SLC7A14: variants seen among roughly 807,000 people sequenced by gnomAD.
SLC7A14 encodes gamma-aminobutyric acid transporter SLC7A14.
In SLC7A14, 37 loss-of-function variants were observed where a neutral mutation model predicts 60.2. That is an observed-to-expected ratio of 0.61 (90% CI 0.47 to 0.81). The LOEUF (loss-of-function observed/expected upper bound fraction) is 0.81, where lower values mean the gene tolerates loss of function less well. Among genes scored for constraint, SLC7A14 ranks in the 30% least tolerant of loss-of-function variants. The pLI, the probability that SLC7A14 is intolerant of heterozygous loss-of-function variation, is 0.00. For synonymous variants in SLC7A14, 399 were observed against 395.8 expected, an observed-to-expected ratio of 1.01 and a Z score of -0.10; for missense variants, 886 against 982.7, an observed-to-expected ratio of 0.90 and a Z score of 1.32.
At chr3:170,481,580 T>C (rs966249619) in intron 6 of SLC7A14, among the ~76,000 whole-genome samples, 1 of 152,052 alleles carries the variant, frequency 6.6e-6, no homozygotes, top group Non-Finnish European at 1.5e-5. Context: ...TTTTGTATTT[T>C]TAGTAGAGAC....
intron 4 of SLC7A14, among the ~76,000 whole-genome samples, chr3:170,487,354 C>T (rs930640577): frequency 2.6e-5 from 4 of 151,462 alleles, no homozygotes; most frequent in African/African-American, 9.7e-5. Flanking sequence ...AAAAAAGTGC[C>T]TCTTTGAATG....
intron 1 of SLC7A14, among the ~76,000 whole-genome samples, chr3:170,545,037 A>G (rs1560275960): frequency 6.6e-6 from 1 of 152,372 alleles, no homozygotes; most frequent in East Asian, 1.9e-4. Context: ...TGAATTTTAC[A>G]TTTAAATTTA....
rs1739670236 is a variant in SLC7A14, at chr3:170,464,328, C to T, written c.*2727G>A. ...ATAAAATGTAGGTCTTCCTTGGACTCCCTTCAAGGGGCAAAGTTTCTAAGA... is the reference window on the plus strand; with the variant it reads ...ATAAAATGTAGGTCTTCCTTGGACTTCCTTCAAGGGGCAAAGTTTCTAAGA... On this transcript the variant is annotated 3_prime_UTR_variant, in exon 8 of 8. Coordinates refer to ENST00000231706, the MANE Select transcript of SLC7A14 (RefSeq NM_020949.3). The T allele has an allele frequency of 6.6e-6, 1 of 152,176 alleles. No individual in the cohort carries two copies. The highest frequency in any genetic ancestry group is 2.4e-5 in the African/African-American group (1 of 41,446). 9.4% of individuals were successfully genotyped at this position (152,176 alleles called of 1,614,324 possible).
intron 1 of SLC7A14, among the ~76,000 whole-genome samples, chr3:170,536,036 G>A (rs781230370): frequency 1.3e-5 from 2 of 152,204 alleles, no homozygotes; most frequent in South Asian, 2.1e-4. Context: ...AGAGATACTG[G>A]GTTTGAAGTC....
At chr3:170,536,510 T>C (rs1390235535) in intron 1 of SLC7A14, among the ~76,000 whole-genome samples, 1 of 152,206 alleles carries the variant, frequency 6.6e-6, no homozygotes, top group Non-Finnish European at 1.5e-5. Flanking sequence ...TATTGGGAAG[T>C]CTGATGGGCC....
At chr3:170,503,488 T>C (rs928534197) in intron 2 of SLC7A14, among the ~76,000 whole-genome samples, 1 of 152,198 alleles carries the variant, frequency 6.6e-6, no homozygotes, top group Non-Finnish European at 1.5e-5. Context: ...ATTAGGTTGC[T>C]CTTTCAGTGA....
At chr3:170,498,048 A>G (rs1471593524) in intron 4 of SLC7A14, among the ~76,000 whole-genome samples, 1 of 152,238 alleles carries the variant, frequency 6.6e-6, no homozygotes, top group Non-Finnish European at 1.5e-5. Flanking sequence ...TGACATTGGA[A>G]TTAAAAACTG....
At chr3:170,560,567 A>G (rs1455407170) in intron 1 of SLC7A14, among the ~76,000 whole-genome samples, 1 of 152,184 alleles carries the variant, frequency 6.6e-6, no homozygotes, top group Non-Finnish European at 1.5e-5. Context: ...TTTAAGTAGC[A>G]ATTTTAAAGT....
chr3:170,549,121 TC>T (rs563058457), intron 1 of SLC7A14, among the ~76,000 whole-genome samples: 3 of 152,174 alleles, frequency 2.0e-5, no homozygotes, highest in African/African-American at 7.2e-5. Flanking sequence ...AATATCCTCA[TC>T]TTACAGACAC....
At chr3:170,563,325 A>C (rs1344103568) in intron 1 of SLC7A14, among the ~76,000 whole-genome samples, 2 of 150,700 alleles carry the variant, frequency 1.3e-5, no homozygotes, top group Non-Finnish European at 3.0e-5. Flanking sequence ...ACTGGTGTGT[A>C]CCCCGCCCAT....
At chr3:170,528,874 C>T (rs1211858000) in intron 1 of SLC7A14, among the ~76,000 whole-genome samples, 1 of 151,998 alleles carries the variant, frequency 6.6e-6, no homozygotes, top group African/African-American at 2.4e-5. Context: ...TGGTTGAGGT[C>T]TTGTGGGGAC....
intron 1 of SLC7A14, among the ~76,000 whole-genome samples, chr3:170,560,278 A>G (rs73163897): frequency 0.091 from 13,904 of 152,222 alleles, 846 homozygotes; most frequent in African/African-American, 0.16. Flanking sequence ...AACTTAAAAG[A>G]TAGGGGGAGG....
At chr3:170,472,868 C>T (rs1739959496) in intron 7 of SLC7A14, among the ~76,000 whole-genome samples, 1 of 152,062 alleles carries the variant, frequency 6.6e-6, no homozygotes, top group African/African-American at 2.4e-5. Context: ...GAAAATGTGT[C>T]TATGAGAAGT....
In SLC7A14 at chr3:170,498,901, T is replaced by C. The variant is rs756882545; in HGVS notation, c.542-17A>G. 2.1e-5 allele frequency: 34 copies of C among 1,612,240 alleles called. No homozygotes were observed. In the East Asian group the frequency reaches 7.4e-4, roughly 35 times the overall value. On this transcript the variant is annotated splice_polypyrimidine_tract_variant and intron_variant, in intron 3 of 7. Transcript: ENST00000231706. The stretch of plus-strand genomic sequence containing the variant: ...CACCTTTCCCTAGAGAGGAAAGACA[T>C]GATTTGACATTGTCTGGAGGGAAGA...
chr3:170,512,681 T>TTTTTTTG (rs56324986), intron 2 of SLC7A14, among the ~76,000 whole-genome samples: 1 of 110,632 alleles, frequency 9.0e-6, no homozygotes, highest in Non-Finnish European at 1.8e-5. Context: ...TTTTTTTTTT[T>TTTTTTTG]GAGACGGAGT....
chr3:170,503,139 T>G (rs771231712), intron 2 of SLC7A14: 4 of 152,234 alleles, frequency 2.6e-5, no homozygotes, highest in Non-Finnish European at 5.9e-5. Flanking sequence ...TGTTATTTAT[T>G]TTGAGTTCCT....
chr3:170,568,413 C>T (rs1490615793), intron 1 of SLC7A14, among the ~76,000 whole-genome samples: 1 of 152,108 alleles, frequency 6.6e-6, no homozygotes, highest in Non-Finnish European at 1.5e-5. Context: ...GTTACTGTAG[C>T]CTTGTAGTAT....
intron 4 of SLC7A14, among the ~76,000 whole-genome samples, chr3:170,497,087 C>CAAAAAAAAAAAAAAAAAAAAAAAAAAA (rs548290941): frequency 1.1e-5 from 1 of 94,274 alleles, no homozygotes; most frequent in Non-Finnish European, 2.1e-5. Flanking sequence ...TTATTTTGTC[C>CAAAAAAAAAAAAAAAAAAAAAAAAAAA]AAAAAAAAAA....
chr3:170,539,109 G>A (rs868385757), intron 1 of SLC7A14, among the ~76,000 whole-genome samples: 3 of 152,250 alleles, frequency 2.0e-5, no homozygotes, highest in Middle Eastern at 3.4e-3. Flanking sequence ...TCCTCAAAAT[G>A]TCCTCCAGGG....
Sources: allele counts gnomAD v4.1 joint callset (sites outside exome capture counted in the v4.1 genomes callset), GRCh38; gene constraint gnomAD v4.1.1; transcripts MANE v1.5; gene names NCBI Gene and HGNC (gene_info 2026-07-23, HGNC 2026-07-21).